The following ARB2A variants were observed in gnomAD, a reference collection of about 807,000 sequenced individuals.
ARB2A encodes the protein cotranscriptional regulator ARB2A.
At chr5:94,037,199 C>T in the ARB2A span, among the ~76,000 whole-genome samples, 1 of 152,110 alleles carries the variant, frequency 6.6e-6, no homozygotes, top group African/African-American at 2.4e-5. Flanking sequence ...ACCACAAAAA[C>T]ATGGAAAATT....
the ARB2A span, among the ~76,000 whole-genome samples, chr5:93,839,430 G>C: frequency 6.6e-6 from 1 of 152,146 alleles, no homozygotes; most frequent in African/African-American, 2.4e-5. Flanking sequence ...GCTGGATTTG[G>C]TTTGCTAGTT....
At chr5:93,964,045 T>G in the ARB2A span, among the ~76,000 whole-genome samples, 1 of 152,008 alleles carries the variant, frequency 6.6e-6, no homozygotes, top group Middle Eastern at 3.2e-3. Flanking sequence ...CAACATACTA[T>G]GTGTAGAAAT....
the ARB2A span, among the ~76,000 whole-genome samples, chr5:93,840,357 C>T: frequency 2.0e-4 from 30 of 152,080 alleles, no homozygotes; most frequent in Non-Finnish European, 3.5e-4. Flanking sequence ...AGCTGACAAA[C>T]GATAAATATT....
chr5:93,724,780 A>G, the ARB2A span, among the ~76,000 whole-genome samples: 1 of 152,048 alleles, frequency 6.6e-6, no homozygotes, highest in African/African-American at 2.4e-5. Flanking sequence ...TTAATTTATA[A>G]ATCAGGCAGA....
chr5:94,043,563 T>C, the ARB2A span, among the ~76,000 whole-genome samples: 1 of 152,320 alleles, frequency 6.6e-6, no homozygotes, highest in Middle Eastern at 3.4e-3. Flanking sequence ...TGCTTTCCTT[T>C]AAGGAATCAA....
At chr5:93,818,510 C>T in the ARB2A span, among the ~76,000 whole-genome samples, 8 of 151,890 alleles carry the variant, frequency 5.3e-5, no homozygotes, top group Non-Finnish European at 1.0e-4. Context: ...AACAAGCGAA[C>T]GTAAGCTAAT....
At chr5:93,971,852 A>T in the ARB2A span, among the ~76,000 whole-genome samples, 15,939 of 152,120 alleles carry the variant, frequency 0.1, 959 homozygotes, top group Middle Eastern at 0.16. Flanking sequence ...CAGATCTCAC[A>T]CCTGGAAATC....
chr5:94,047,622 C>T, the ARB2A span, among the ~76,000 whole-genome samples: 1 of 152,172 alleles, frequency 6.6e-6, no homozygotes, highest in African/African-American at 2.4e-5. Flanking sequence ...TGCTCTCTCT[C>T]TGTAAATAAC....
the ARB2A span, chr5:93,620,473 T>C: frequency 2.2e-5 from 3 of 136,664 alleles, no homozygotes; most frequent in East Asian, 6.3e-4. Context: ...GGAACTTCCT[T>C]AAAAAAAAAA....
the ARB2A span, among the ~76,000 whole-genome samples, chr5:93,747,355 GA>G: frequency 6.6e-6 from 1 of 151,996 alleles, no homozygotes; most frequent in Non-Finnish European, 1.5e-5. Flanking sequence ...ATCTCTTTAG[GA>G]AACTATGAAC....
At chr5:93,649,132 T>G in the ARB2A span, among the ~76,000 whole-genome samples, 1 of 152,140 alleles carries the variant, frequency 6.6e-6, no homozygotes, top group African/African-American at 2.4e-5. Context: ...CACATAAACA[T>G]TCATTTTATT....
the ARB2A span, among the ~76,000 whole-genome samples, chr5:93,630,255 G>A: frequency 1.3e-5 from 2 of 152,138 alleles, no homozygotes; most frequent in African/African-American, 2.4e-5. Context: ...AGTATGAGCC[G>A]GCCACACTGG....
chr5:93,784,995 G>A, the ARB2A span, among the ~76,000 whole-genome samples: 1 of 152,158 alleles, frequency 6.6e-6, no homozygotes, highest in Non-Finnish European at 1.5e-5. Flanking sequence ...ATTCCTTGGT[G>A]TTTTAAATGC....
At chr5:93,882,302 A>G in the ARB2A span, among the ~76,000 whole-genome samples, 12 of 151,518 alleles carry the variant, frequency 7.9e-5, no homozygotes, top group East Asian at 2.3e-3. Context: ...ACAGGAGGCC[A>G]GAAAAATCAT....
At chr5:93,903,454 C>T in the ARB2A span, among the ~76,000 whole-genome samples, 1 of 151,950 alleles carries the variant, frequency 6.6e-6, no homozygotes, top group Admixed American at 6.6e-5. Flanking sequence ...CATGTAAAAA[C>T]ACAAAACTCA....
the ARB2A span, among the ~76,000 whole-genome samples, chr5:93,814,606 C>T: frequency 6.6e-6 from 1 of 152,148 alleles, no homozygotes; most frequent in African/African-American, 2.4e-5. Flanking sequence ...ATGACCTCTT[C>T]GCTATTATCC....
At chr5:93,792,771 A>G in the ARB2A span, among the ~76,000 whole-genome samples, 1 of 151,680 alleles carries the variant, frequency 6.6e-6, no homozygotes, top group African/African-American at 2.4e-5. Context: ...TAATGGGTGC[A>G]GCACACCAGC....
the ARB2A span, among the ~76,000 whole-genome samples, chr5:93,647,748 T>G: frequency 7.9e-5 from 12 of 152,158 alleles, no homozygotes; most frequent in Non-Finnish European, 1.6e-4. Context: ...GGTCTCAAAC[T>G]CCTGTCCTCA....
chr5:93,804,193 G>A, the ARB2A span, among the ~76,000 whole-genome samples: 28,311 of 151,812 alleles, frequency 0.19, 3,407 homozygotes, highest in Non-Finnish European at 0.26. Flanking sequence ...TTTGTTTTGC[G>A]TATGTGTTCT....
Sources: allele counts gnomAD v4.1 joint callset (sites outside exome capture counted in the v4.1 genomes callset), GRCh38; gene constraint gnomAD v4.1.1; transcripts MANE v1.5; gene names NCBI Gene and HGNC (gene_info 2026-07-23, HGNC 2026-07-21).